Variants in PIEZO2 observed in about 807,000 individuals in gnomAD.
The protein encoded by PIEZO2 is piezo-type mechanosensitive ion channel component 2.
In PIEZO2, 172 loss-of-function variants were observed where a neutral mutation model predicts 337.3. The ratio of observed to expected loss-of-function variants is 0.51; its 90% CI spans 0.45 to 0.58. PIEZO2 has a LOEUF of 0.58. Among genes scored for constraint, PIEZO2 ranks in the 20% least tolerant of loss-of-function variants. PIEZO2 has a pLI of 0.00. For missense variants in PIEZO2, 3,028 were observed against 3,391.3 expected, an observed-to-expected ratio of 0.89 and a Z score of 2.66; for synonymous variants, 1,251 against 1,228.5, an observed-to-expected ratio of 1.02 and a Z score of -0.38.
Position 11,016,332 on chromosome 18 carries a change from C to T in PIEZO2, c.161-36672G>A, listed in dbSNP as rs1488040872. Among the ~76,000 whole-genome samples the T allele has an allele frequency of 1.3e-5, 2 of 152,022 alleles. No individual in the cohort carries two copies. Among genetic ancestry groups the T allele is most frequent in the East Asian group, 1.9e-4 (1 of 5,170 alleles). ...AATGTGGCGGTAGAGACGGTCAGAG[C>T]GAAAAAACAGGCACAGAGCAAGGAC... On this transcript the variant is annotated intron_variant, in intron 2 of 55. Coordinates refer to ENST00000674853, the MANE Select transcript of PIEZO2 (RefSeq NM_001378183.1). This position sits in a 1 kb window ranked among gnomAD's most constrained non-coding sequence, Gnocchi z 5.6.
chr18:10,736,755 G>A, intron 33 of PIEZO2, 45 bp from the exon 34 acceptor site: 1 of 1,517,734 alleles, frequency 6.6e-7, no homozygotes, highest in Non-Finnish European at 8.8e-7. Flanking sequence ...AGACATATAA[G>A]GAAATTGGGG....
chr18:10,992,977 T>G (rs1292458308), intron 2 of PIEZO2, among the ~76,000 whole-genome samples: 4 of 152,198 alleles, frequency 2.6e-5, no homozygotes, highest in Non-Finnish European at 5.9e-5. Flanking sequence ...GGTATTTTAT[T>G]CTCTTTGTAG....
At chr18:11,023,989 A>T (rs556917658) in intron 2 of PIEZO2, among the ~76,000 whole-genome samples, 96 of 152,246 alleles carry the variant, frequency 6.3e-4, no homozygotes, top group African/African-American at 2.2e-3. Flanking sequence ...GCTGGCCCGC[A>T]AGCCCCACGC....
At position 10,988,114 on chromosome 18, in the gene PIEZO2, C is replaced by G. The variant is rs946877534; in HGVS notation, c.161-8454G>C. ...GATCAAGACATGAGGGTTGAGCTCT[C>G]AGGTATAAGATTAGGGTCTCTATAA... On this transcript the variant is annotated intron_variant, in intron 2 of 55. Transcript: ENST00000674853. This position sits in a 1 kb window ranked among gnomAD's most constrained non-coding sequence, Gnocchi z 4.8. Among the ~76,000 whole-genome samples, 2 of 151,934 alleles carry G rather than the reference C, an allele frequency of 1.3e-5. No homozygotes were observed. The highest frequency in any genetic ancestry group is 2.4e-5 in the African/African-American group (1 of 41,230).
At chr18:10,709,110 A>T (rs893359785) in intron 39 of PIEZO2, 2 of 152,182 alleles carry the variant, frequency 1.3e-5, no homozygotes, top group South Asian at 4.1e-4. Flanking sequence ...GAACAAAGGA[A>T]CTTGAGCAAT....
intron 2 of PIEZO2, among the ~76,000 whole-genome samples, chr18:11,061,915 G>A (rs576975073): frequency 2.6e-5 from 4 of 152,124 alleles, no homozygotes; most frequent in Non-Finnish European, 5.9e-5. Flanking sequence ...CTACTTTAAA[G>A]TTCATATGGA....
intron 43 of PIEZO2, among the ~76,000 whole-genome samples, chr18:10,701,072 C>T (rs1398471425): frequency 6.6e-6 from 1 of 152,040 alleles, no homozygotes; most frequent in African/African-American, 2.4e-5. Flanking sequence ...TGTATATGTA[C>T]GTGTATGTAT....
In PIEZO2 at chr18:10,916,685, G is replaced by A. The variant is rs1220648989; in HGVS notation, c.287-5457C>T. Among the ~76,000 whole-genome samples, 5 of 152,272 alleles carry A rather than the reference G, an allele frequency of 3.3e-5. No homozygotes were observed. The East Asian group carries it at 7.7e-4, about 24-fold the overall frequency. On this transcript the variant is annotated intron_variant, in intron 3 of 55. Transcript: ENST00000674853. ...CTCCCTCCACACCTCCCCACAAGGA[G>A]AGGGAGCCAGCTGCAGCCTCGGCCA...
At chr18:10,875,081 T>A (rs370905502) in intron 4 of PIEZO2, among the ~76,000 whole-genome samples, 20 of 152,224 alleles carry the variant, frequency 1.3e-4, no homozygotes, top group Middle Eastern at 3.4e-3. Context: ...CCCCAAAATA[T>A]GTACAATTAT....
rs7227440 is a variant in PIEZO2, at chr18:10,821,645, C to G, written c.918-14371G>C. Among the ~76,000 whole-genome samples the G allele has an allele frequency of 2.9e-3, 446 of 152,186 alleles. 3 individuals are homozygous for G. Among genetic ancestry groups the G allele is most frequent in the African/African-American group, 0.01 (423 of 41,528 alleles). Reference sequence around the variant, plus strand: ...CTAGAAGTTTTCCAGGTTGCTGGAACCAGGAAATATGAGTCAAGTATCACC... The same window carrying G: ...CTAGAAGTTTTCCAGGTTGCTGGAAGCAGGAAATATGAGTCAAGTATCACC... On this transcript the variant is annotated intron_variant, in intron 7 of 55. Coordinates refer to ENST00000674853, the MANE Select transcript of PIEZO2 (RefSeq NM_001378183.1). The surrounding 1 kb of genome is among the most constrained non-coding windows in gnomAD (Gnocchi z 4.2).
At position 10,777,107 on chromosome 18, in the gene PIEZO2, A is replaced by G. The variant is rs201026831; in HGVS notation, c.2535-3069T>C. On this transcript the variant is annotated intron_variant, in intron 18 of 55. Coordinates refer to ENST00000674853, the MANE Select transcript of PIEZO2 (RefSeq NM_001378183.1). ...GAAGCCCCCTCCTCCACTGCCTTCA[A>G]TCAGGCTGCTTTGGATGTCTTTCTC... Among the ~76,000 whole-genome samples, 6 of 152,326 alleles carry G rather than the reference A, an allele frequency of 3.9e-5. No individual in the cohort carries two copies. In the East Asian group the frequency reaches 7.7e-4, roughly 20 times the overall value.
chr18:10,760,778 T>A, intron 24 of PIEZO2, 133 bp downstream of exon 24: 1 of 789,988 alleles, frequency 1.3e-6, no homozygotes, highest in Admixed American at 2.7e-5. Context: ...GTACAAATAC[T>A]TTCTGTTCTT....
At chr18:10,730,820 G>A (rs1437404752) in intron 36 of PIEZO2, among the ~76,000 whole-genome samples, 1 of 152,038 alleles carries the variant, frequency 6.6e-6, no homozygotes, top group Admixed American at 6.6e-5. Flanking sequence ...TCCGCCTCCC[G>A]GGTTCACGCC....
chr18:10,705,567 G>T lies in PIEZO2; in HGVS notation c.5768C>A (p.Thr1923Asn). 6.5e-7 allele frequency: 1 copy of T among 1,537,252 alleles called. No individual in the cohort carries two copies. Among genetic ancestry groups the T allele is most frequent in the Non-Finnish European group, 8.7e-7 (1 of 1,146,914 alleles). Residue 1923 changes from threonine (T) to asparagine (N), a missense_variant, in exon 41 of 56, where the codon ACC (threonine) becomes AAC (asparagine). By Grantham distance (65) the Thr-to-Asn change is moderately conservative. This residue lies in a region of PIEZO2 where 1,925 missense variants were observed against 2,051.9 expected (regional missense o/e 0.94). Transcript: ENST00000674853. ...GAMGAEEASLTPEEELTQFST... is the reference protein window; with the variant it reads ...GAMGAEEASLNPEEELTQFST... ...GAACTGTGTCAGCTCTTCCTCTGGG[G>T]TGAGGCTGGCCTCCTCGGCACCCAT...
intron 23 of PIEZO2, 54 bp from the exon 24 acceptor site, chr18:10,761,165 T>C (rs1313127296): frequency 7.0e-7 from 1 of 1,436,744 alleles, no homozygotes; most frequent in Non-Finnish European, 9.5e-7. Context: ...GATTTGGTAA[T>C]TTCAAGCAAT....
chr18:11,051,164 A>G (rs7240527), intron 2 of PIEZO2, among the ~76,000 whole-genome samples: 1 of 152,172 alleles, frequency 6.6e-6, no homozygotes, highest in Admixed American at 6.5e-5. Context: ...CCACACAGGC[A>G]CCAGAAGTCC....
At chr18:10,984,433 A>C (rs1435931505) in intron 2 of PIEZO2, among the ~76,000 whole-genome samples, 2 of 152,152 alleles carry the variant, frequency 1.3e-5, no homozygotes, top group Non-Finnish European at 2.9e-5. Flanking sequence ...TAAAGAATAC[A>C]ATGACTTAAC....
intron 3 of PIEZO2, among the ~76,000 whole-genome samples, chr18:10,915,852 C>T (rs1232794225): frequency 2.0e-5 from 3 of 152,136 alleles, no homozygotes; most frequent in African/African-American, 4.8e-5. Flanking sequence ...GTGACTATTA[C>T]AGTTCTTAAA....
rs143125457 is a variant in PIEZO2 at position 11,070,479 on chromosome 18, T to C, written c.65-4257A>G. ...GGTGTTTGTCTTAGCTCTGCCTACA[T>C]GTGGGATGAGAGGGGGCAAGCAAAC... On this transcript the variant is annotated intron_variant, in intron 1 of 55. Coordinates refer to ENST00000674853, the MANE Select transcript of PIEZO2 (RefSeq NM_001378183.1). The surrounding 1 kb of genome is among the most constrained non-coding windows in gnomAD (Gnocchi z 4.3). Among the ~76,000 whole-genome samples the C allele has an allele frequency of 1.3e-5, 2 of 152,158 alleles. No individual in the cohort carries two copies. The highest frequency in any genetic ancestry group is 1.5e-5 in the Non-Finnish European group (1 of 68,002).
Sources: gnomAD v4.1 joint callset for allele counts (sites outside exome capture counted in the v4.1 genomes callset) on GRCh38, gnomAD v4.1.1 for gene constraint, gnomAD v4.1.1 regional missense constraint, Gnocchi (gnomAD v3.1) non-coding constraint, MANE v1.5 for transcripts, NCBI Gene and HGNC (gene_info 2026-07-23, HGNC 2026-07-21) for gene names.